Variants in DMBT1 observed in about 807,000 individuals in gnomAD.
DMBT1 encodes scavenger receptor cysteine-rich domain-containing protein DMBT1.
DMBT1 carries 198 observed loss-of-function variants against 252.9 expected under a neutral mutation model. That is an observed-to-expected ratio of 0.78 (90% CI 0.70 to 0.88). The LOEUF is 0.88. DMBT1 is among the 40% of genes least tolerant of loss of function. DMBT1 has a pLI of 0.00. For synonymous variants in DMBT1, 990 were observed against 942.7 expected (o/e 1.05, Z -0.92); for missense variants, 2,432 against 2,404.7 (o/e 1.01, Z -0.24).
intron 55 of DMBT1, among the ~76,000 whole-genome samples, chr10:122,640,878 G>C (rs774210856): frequency 6.6e-6 from 1 of 152,210 alleles, no homozygotes; most frequent in Non-Finnish European, 1.5e-5. Context: ...GCTCTGCCAC[G>C]TGCCAGTTGC....
At chr10:122,564,055 T>C (rs973298536) in intron 1 of DMBT1, among the ~76,000 whole-genome samples, 3 of 152,206 alleles carry the variant, frequency 2.0e-5, no homozygotes, top group African/African-American at 7.2e-5. Context: ...GAAAGAATGT[T>C]GTGGTTTCTA....
rs28621443 is a variant in DMBT1 at position 122,621,720 on chromosome 10, C to T, written c.5608+340C>T. ...GGTATGGTGGACACAGCACAGACAG[C>T]GGGGCAGAGGAGGGATCCTCTCCTT... On this transcript the variant is annotated intron_variant, in intron 44 of 55. Transcript: ENST00000338354. Among the ~76,000 whole-genome samples the T allele has an allele frequency of 8.5e-3, 1,300 of 152,254 alleles. 16 individuals are homozygous for T. The highest frequency in any genetic ancestry group is 0.03 in the African/African-American group (1,240 of 41,550).
At chr10:122,637,673 G>A (rs550368007) in intron 54 of DMBT1, among the ~76,000 whole-genome samples, 17 of 152,200 alleles carry the variant, frequency 1.1e-4, no homozygotes, top group Non-Finnish European at 2.2e-4. Flanking sequence ...GAGATGGGCA[G>A]GGGCCTCATT....
intron 19 of DMBT1, 124 bp from the exon 20 acceptor site, chr10:122,592,147 CG>C: frequency 1.4e-6 from 2 of 1,423,508 alleles, no homozygotes; most frequent in Non-Finnish European, 1.9e-6. Flanking sequence ...TGGTTGCAGT[CG>C]TATTCAATCG....
chr10:122,579,405 G>A (rs2097744806), intron 9 of DMBT1, among the ~76,000 whole-genome samples, 173 bp from the exon 10 acceptor site: 1 of 152,222 alleles, frequency 6.6e-6, no homozygotes, highest in South Asian at 2.1e-4. Context: ...CCTGGGCAGA[G>A]TAGGTTATCA....
chr10:122,577,709 G>T, intron 7 of DMBT1, 102 bp from the exon 8 acceptor site: 1 of 1,362,064 alleles, frequency 7.3e-7, no homozygotes, highest in East Asian at 2.4e-5. Flanking sequence ...GGCGTGTGAT[G>T]GGCATCAGCT....
At chr10:122,617,152 C>G (rs1591447155) in intron 39 of DMBT1, 76 bp from the exon 40 acceptor site, 1 of 1,491,276 alleles carries the variant, frequency 6.7e-7, no homozygotes, top group East Asian at 2.5e-5. Flanking sequence ...TTGATTCCCC[C>G]TCCCAGAGAA....
chr10:122,597,008 C>T lies in DMBT1; in HGVS notation c.2888-17C>T. The T allele has an allele frequency of 1.8e-6, 1 of 544,532 alleles. No homozygotes were observed. Among genetic ancestry groups the T allele is most frequent in the Non-Finnish European group, 3.0e-6 (1 of 331,460 alleles). The allele number at this position is 544,532 out of a possible 1,614,324, so 33.7% of individuals were successfully genotyped here. A position where few individuals can be genotyped will look rare whatever the true frequency, so the allele number is the denominator to read the frequency against. On this transcript the variant is annotated splice_polypyrimidine_tract_variant and intron_variant, in intron 23 of 55. Coordinates refer to ENST00000338354, the MANE Select transcript of DMBT1 (RefSeq NM_001377530.1). ...CTTCTGTATAGTGCATCTGATCTGA[C>T]CTCCTCTTTCTCACAGCTGCCCACT...
rs1191145177 is a variant in DMBT1, at chr10:122,630,454, A to G, written c.5989A>G (p.Thr1997Ala). The G allele has an allele frequency of 6.2e-7, 1 of 1,614,012 alleles. No homozygotes were observed. Among genetic ancestry groups the G allele is most frequent in the Non-Finnish European group, 8.5e-7 (1 of 1,179,896 alleles). The change falls in exon 48 of 56, where the codon ACT (threonine) becomes GCT (alanine). Residue 1997 changes from threonine (T) to alanine (A), a missense_variant. Coordinates refer to ENST00000338354, the MANE Select transcript of DMBT1 (RefSeq NM_001377530.1). ...HFRSDISFQNTGFLAWYNSFP... is the reference protein window; with the variant it reads ...HFRSDISFQNAGFLAWYNSFP... ...TCGAAGTGACATCAGTTTCCAAAAC[A>G]CTGGCTTTTTGGCTTGGTATAACTC... is the stretch of plus-strand genomic sequence containing the variant.
Position 122,566,638 on chromosome 10 carries a change from G to T in DMBT1, c.91+642G>T, listed in dbSNP as rs149517331. On this transcript the variant is annotated intron_variant, in intron 2 of 55. Transcript: ENST00000338354. Reference sequence around the variant, plus strand: ...CTTTTCTTTTCACTAATAATGACAGGTATCTTGAAGATAACTAACATCTAC... The same window carrying T: ...CTTTTCTTTTCACTAATAATGACAGTTATCTTGAAGATAACTAACATCTAC... Among the ~76,000 whole-genome samples the T allele has an allele frequency of 3.6e-4, 55 of 152,132 alleles. 1 individual carries two copies. Among genetic ancestry groups the T allele is most frequent in the African/African-American group, 1.3e-3 (53 of 41,486 alleles).
intron 6 of DMBT1, among the ~76,000 whole-genome samples, chr10:122,576,029 C>T (rs1043615494): frequency 6.6e-6 from 1 of 152,176 alleles, no homozygotes; most frequent in Non-Finnish European, 1.5e-5. Flanking sequence ...GAGCTCCTCC[C>T]GGGACATCTT....
chr10:122,625,373 A>G (rs1197973137), intron 45 of DMBT1, 70 bp downstream of exon 45: 1 of 1,468,514 alleles, frequency 6.8e-7, no homozygotes, highest in Non-Finnish European at 9.4e-7. Context: ...TTCCAGAAGT[A>G]GGAGGAGTAG....
At chr10:122,621,896 G>T (rs1474977035) in intron 44 of DMBT1, among the ~76,000 whole-genome samples, 1 of 152,170 alleles carries the variant, frequency 6.6e-6, no homozygotes, top group Non-Finnish European at 1.5e-5. Flanking sequence ...GTCAGTTTCA[G>T]CTCCTTCCAA....
chr10:122,621,058 A>C lies in DMBT1; in HGVS notation c.5286A>C (p.Gly1762=), dbSNP rs773587819. Residue 1762 remains glycine, a splice_region_variant and synonymous_variant, in exon 44 of 56, where the codon GGA becomes GGC. Transcript: ENST00000338354. Reference sequence around the variant, plus strand: ...AAGGGTTCTTGTGTTCCCCTGTAGGATCTGAATCCAGTTTGGCTCTGAGGC... The same window carrying C: ...AAGGGTTCTTGTGTTCCCCTGTAGGCTCTGAATCCAGTTTGGCTCTGAGGC... ...LTTNLPALTV[G]SESSLALRLV... 1.2e-6 allele frequency: 2 copies of C among 1,613,022 alleles called. No homozygotes were observed. Among genetic ancestry groups the C allele is most frequent in the Non-Finnish European group, 1.7e-6 (2 of 1,179,724 alleles).
At chr10:122,617,892 G>A (rs2098012184) in intron 40 of DMBT1, 125 bp from the exon 41 acceptor site, 2 of 1,484,856 alleles carry the variant, frequency 1.3e-6, no homozygotes, top group Non-Finnish European at 1.8e-6. Context: ...GGTAGCAGTT[G>A]TATGCAATTG....
intron 1 of DMBT1, among the ~76,000 whole-genome samples, chr10:122,561,059 C>G (rs1389867730): frequency 6.6e-6 from 1 of 152,098 alleles, no homozygotes; most frequent in African/African-American, 2.4e-5. Flanking sequence ...GTCATTAAGT[C>G]AATGTTTTCA....
At chr10:122,634,478 CTCTT>C (rs1566010127) in intron 52 of DMBT1, among the ~76,000 whole-genome samples, 7 of 50,270 alleles carry the variant, frequency 1.4e-4, no homozygotes, top group South Asian at 8.0e-4. Context: ...CTCTCTCTCT[CTCTT>C]TCTCTCTTTT....
At chr10:122,593,698 G>C (rs1377561558) in intron 21 of DMBT1, 100 bp downstream of exon 21, 5 of 1,384,612 alleles carry the variant, frequency 3.6e-6, no homozygotes, top group African/African-American at 1.4e-5. Flanking sequence ...TGTGGATACT[G>C]TGGGGCATAT....
chr10:122,620,198 G>T lies in DMBT1; in HGVS notation c.5246-55G>T, dbSNP rs2098050018. ...TTGCCTGGTTCAGAGATTTTTTTTTGTAGCTTTCCTCCCTCAAGTCTAATT... is the reference window on the plus strand; with the variant it reads ...TTGCCTGGTTCAGAGATTTTTTTTTTTAGCTTTCCTCCCTCAAGTCTAATT... On this transcript the variant is annotated intron_variant, in intron 42 of 55. Coordinates refer to ENST00000338354, the MANE Select transcript of DMBT1 (RefSeq NM_001377530.1). 15 of 1,571,742 alleles carry T rather than the reference G, an allele frequency of 9.5e-6. No individual in the cohort carries two copies. In the South Asian group the frequency reaches 1.0e-4, roughly 10 times the overall value.
Sources: allele counts gnomAD v4.1 joint callset (sites outside exome capture counted in the v4.1 genomes callset), GRCh38; gene constraint gnomAD v4.1.1; transcripts MANE v1.5; gene names NCBI Gene and HGNC (gene_info 2026-07-23, HGNC 2026-07-21).